Variants in NEBL observed in about 807,000 individuals in gnomAD.
NEBL encodes the protein nebulette, also known as LIM and SH3 protein 2.
Under a neutral mutation model 140.2 loss-of-function variants are expected in NEBL, and 122 were observed. That is an observed-to-expected ratio of 0.87 (90% CI 0.75 to 1.01). The LOEUF (loss-of-function observed/expected upper bound fraction) is 1.01. NEBL is among the 50% of genes least tolerant of loss of function. The probability of loss-of-function intolerance (pLI) is 0.00; values close to 1 mark genes in which losing one functional copy is unlikely to be tolerated. For synonymous variants in NEBL, 436 were observed against 398.9 expected (o/e 1.09, Z -1.11); for missense variants, 1,365 against 1,231.3 (o/e 1.11, Z -1.62).
At chr10:21,087,888 A>G (rs558233251) in intron 2 of NEBL, among the ~76,000 whole-genome samples, 2 of 152,358 alleles carry the variant, frequency 1.3e-5, no homozygotes, top group African/African-American at 4.8e-5. Flanking sequence ...AATGAATTAA[A>G]TGGCTCTTGG....
upstream of NEBL, among the ~76,000 whole-genome samples, chr10:21,177,326 C>T (rs1207785351): frequency 6.6e-6 from 1 of 152,196 alleles, no homozygotes; most frequent in Non-Finnish European, 1.5e-5. Context: ...TCATGCCCAA[C>T]AGAGCCACAG....
At chr10:21,212,457 A>C (rs984240950) in intron 3 of NEBL, among the ~76,000 whole-genome samples, 7 of 152,180 alleles carry the variant, frequency 4.6e-5, no homozygotes, top group African/African-American at 1.7e-4. Flanking sequence ...TGATGGGAGG[A>C]AAGAAGGAAA....
At chr10:21,013,824 A>T (rs1838448952) in intron 3 of NEBL, among the ~76,000 whole-genome samples, 1 of 152,074 alleles carries the variant, frequency 6.6e-6, no homozygotes, top group African/African-American at 2.4e-5. Flanking sequence ...ATTGCAGTGA[A>T]CTGAGATCGT....
chr10:21,200,308 C>CT (rs10671099), intron 3 of NEBL, among the ~76,000 whole-genome samples: 54,413 of 81,734 alleles, frequency 0.67, 20,536 homozygotes, highest in East Asian at 0.83. Flanking sequence ...TTCCAAGGGA[C>CT]TTTTTTTTTT....
intron 1 of NEBL, among the ~76,000 whole-genome samples, chr10:21,265,098 T>C (rs1842783395): frequency 6.6e-6 from 1 of 151,874 alleles, no homozygotes; most frequent in Non-Finnish European, 1.5e-5. Context: ...AATTTTTGTG[T>C]TTTTAGTAGA....
upstream of NEBL, among the ~76,000 whole-genome samples, chr10:21,293,019 C>T (rs1382443008): frequency 1.3e-5 from 2 of 152,170 alleles, no homozygotes; most frequent in African/African-American, 4.8e-5. Flanking sequence ...TCCGTGGTTC[C>T]TCCCAGCGCT....
intron 20 of NEBL, among the ~76,000 whole-genome samples, chr10:20,818,430 C>T (rs1838955118): frequency 6.6e-6 from 1 of 152,146 alleles, no homozygotes; most frequent in South Asian, 2.1e-4. Flanking sequence ...GTACAGGGCC[C>T]AGCACAGAGT....
intron 2 of NEBL, chr10:21,126,051 C>G: frequency 1.9e-6 from 3 of 1,614,190 alleles, no homozygotes; most frequent in Non-Finnish European, 2.5e-6. Context: ...AGCTTTGCAG[C>G]CTTCTGGTCT....
At chr10:20,992,481 T>C (rs557633697) in intron 3 of NEBL, among the ~76,000 whole-genome samples, 58 of 152,290 alleles carry the variant, frequency 3.8e-4, no homozygotes, top group South Asian at 6.2e-4. Flanking sequence ...CAGAGGCTCC[T>C]GGGCTCAAGG....
At chr10:20,852,313 G>A (rs927135498) in intron 10 of NEBL, among the ~76,000 whole-genome samples, 15 of 152,044 alleles carry the variant, frequency 9.9e-5, no homozygotes, top group Admixed American at 5.9e-4. Context: ...GTGAATTAAC[G>A]GTTATTTTAC....
intron 26 of NEBL, among the ~76,000 whole-genome samples, chr10:20,791,746 C>T (rs1039278466): frequency 2.0e-5 from 3 of 151,992 alleles, no homozygotes; most frequent in East Asian, 3.9e-4. Context: ...AGGAAATATA[C>T]GTAAATACAC....
rs141725844 is a variant in NEBL at position 21,139,085 on chromosome 10, A to T, written c.164+33298T>A. 5.7e-3 allele frequency among the ~76,000 whole-genome samples: 866 copies of T among 152,280 alleles called. 24 individuals are homozygous for T. Among genetic ancestry groups the T allele is most frequent in the Non-Finnish European group, 5.2e-3 (355 of 68,024 alleles). ...ACAACAAAAGAGAACACGCTCAGTC[A>T]TCTCTAGTTACAATATGTACACAGA... On this transcript the variant is annotated intron_variant, in intron 2 of 6. Transcript: ENST00000417816.
At chr10:20,980,562 G>C (rs1486985608) in intron 3 of NEBL, among the ~76,000 whole-genome samples, 1 of 152,144 alleles carries the variant, frequency 6.6e-6, no homozygotes, top group Non-Finnish European at 1.5e-5. Context: ...AGGTAGCATG[G>C]AGGTGACCAC....
At chr10:20,937,132 C>A (rs534783475) in intron 4 of NEBL, among the ~76,000 whole-genome samples, 1 of 152,280 alleles carries the variant, frequency 6.6e-6, no homozygotes, top group South Asian at 2.1e-4. Context: ...CAGACTTCCC[C>A]AACTCTCCCA....
intron 2 of NEBL, among the ~76,000 whole-genome samples, chr10:21,020,481 T>C (rs768595668): frequency 6.6e-6 from 1 of 152,098 alleles, no homozygotes; most frequent in Non-Finnish European, 1.5e-5. Flanking sequence ...ACCTCCACCG[T>C]TCCTGCACCC....
chr10:20,955,055 T>C (rs1835720856), intron 4 of NEBL, among the ~76,000 whole-genome samples: 1 of 152,180 alleles, frequency 6.6e-6, no homozygotes, highest in African/African-American at 2.4e-5. Context: ...ATGTGCATTT[T>C]AGGAAAACCT....
At chr10:20,952,670 C>G (rs1466178948) in intron 4 of NEBL, among the ~76,000 whole-genome samples, 1 of 151,522 alleles carries the variant, frequency 6.6e-6, no homozygotes, top group Non-Finnish European at 1.5e-5. Context: ...TTTGGGAAGA[C>G]GAGGTGGGCG....
chr10:20,846,772 G>GA (rs892603778), intron 11 of NEBL, among the ~76,000 whole-genome samples: 4 of 150,878 alleles, frequency 2.7e-5, no homozygotes, highest in South Asian at 2.1e-4. Context: ...AGCCCTTCTG[G>GA]AAAAAAAAGT....
chr10:20,834,606 G>A (rs1246885968), intron 14 of NEBL, among the ~76,000 whole-genome samples: 1 of 152,166 alleles, frequency 6.6e-6, no homozygotes, highest in Non-Finnish European at 1.5e-5. Flanking sequence ...TCCTGAGTCA[G>A]CTCTTCCTAA....
Sources: gnomAD v4.1 joint callset for allele counts (sites outside exome capture counted in the v4.1 genomes callset) on GRCh38, gnomAD v4.1.1 for gene constraint, MANE v1.5 for transcripts, NCBI Gene and HGNC (gene_info 2026-07-23, HGNC 2026-07-21) for gene names.